Variants in GAD2 observed in about 807,000 individuals in gnomAD.
The protein encoded by GAD2 is glutamate decarboxylase 2, also known as 65 kDa glutamic acid decarboxylase.
Under a neutral mutation model 80.1 loss-of-function variants are expected in GAD2, and 22 were observed. The observed-to-expected ratio is 0.27, with a 90% CI of 0.20 to 0.39. The LOEUF is 0.39. Ranked by LOEUF, GAD2 falls within the 10% of genes least tolerant of loss-of-function variation. GAD2 has a pLI of 1.00. For missense variants in GAD2, 624 were observed against 738.4 expected (o/e 0.85, Z 1.80); for synonymous variants, 274 against 256.9 (o/e 1.07, Z -0.64).
intron 7 of GAD2, among the ~76,000 whole-genome samples, chr10:26,237,998 TCACACAGACACACACACACACACACA>T (rs1844695405): frequency 8.5e-6 from 1 of 117,590 alleles, no homozygotes; most frequent in African/African-American, 3.7e-5. Context: ...CGAGACTCCA[TCACACAGACACACACACACACACACA>T]CACACACACA....
chr10:26,273,868 C>G (rs1167950412), intron 11 of GAD2, among the ~76,000 whole-genome samples, 168 bp downstream of exon 11: 3 of 151,994 alleles, frequency 2.0e-5, no homozygotes, highest in Non-Finnish European at 1.5e-5. Flanking sequence ...GGGTAAACAA[C>G]AGAAAAATCA....
chr10:26,260,078 TTAACA>T (rs1844991386), intron 8 of GAD2, among the ~76,000 whole-genome samples: 1 of 152,228 alleles, frequency 6.6e-6, no homozygotes, highest in South Asian at 2.1e-4. Context: ...AAGTATTTAC[TTAACA>T]TAAAAGACAC....
intron 13 of GAD2, 47 bp downstream of exon 13, chr10:26,286,541 T>C (rs370390999): frequency 9.7e-5 from 150 of 1,544,068 alleles, no homozygotes; most frequent in Non-Finnish European, 1.3e-4. Flanking sequence ...ACAGAACCTT[T>C]ATCTGGTGAC....
intron 15 of GAD2, among the ~76,000 whole-genome samples, chr10:26,297,178 C>T (rs542087681): frequency 2.6e-5 from 4 of 152,150 alleles, no homozygotes; most frequent in Admixed American, 6.5e-5. Flanking sequence ...CGGCTCACCT[C>T]GGCCTCCCAA....
chr10:26,297,529 A>G (rs183266313), intron 15 of GAD2, among the ~76,000 whole-genome samples: 1 of 152,212 alleles, frequency 6.6e-6, no homozygotes, highest in Non-Finnish European at 1.5e-5. Flanking sequence ...GCTCTTGTTG[A>G]CTATACCTTT....
At chr10:26,278,546 T>TGA (rs1273328177) in intron 11 of GAD2, among the ~76,000 whole-genome samples, 1 of 152,190 alleles carries the variant, frequency 6.6e-6, no homozygotes, top group Non-Finnish European at 1.5e-5. Flanking sequence ...ATCTGGCTCC[T>TGA]GAGGGCTTCC....
chr10:26,282,442 A>T (rs1845282104), intron 12 of GAD2, among the ~76,000 whole-genome samples: 1 of 151,750 alleles, frequency 6.6e-6, no homozygotes, highest in Admixed American at 6.6e-5. Flanking sequence ...AATATATTTA[A>T]AAAGTATAAA....
At chr10:26,285,711 G>A (rs1845324333) in intron 12 of GAD2, among the ~76,000 whole-genome samples, 1 of 151,930 alleles carries the variant, frequency 6.6e-6, no homozygotes, top group South Asian at 2.1e-4. Context: ...CTTGAGAGAG[G>A]AATATGACAT....
At position 26,217,826 on chromosome 10, in the gene GAD2, C is replaced by G; in HGVS notation, c.137-16C>G. On this transcript the variant is annotated splice_polypyrimidine_tract_variant and intron_variant, in intron 2 of 15. Transcript: ENST00000376261. This position sits in a 1 kb window ranked among gnomAD's most constrained non-coding sequence, Gnocchi z 4.9. The stretch of plus-strand genomic sequence containing the variant: ...GCGGAGGATTGACGAGGCCCGCGTT[C>G]GGTGTCCTTACCCAGCCCTGCTCTA... 4 of 1,594,272 alleles carry G rather than the reference C, an allele frequency of 2.5e-6. No homozygotes were observed. Among genetic ancestry groups the G allele is most frequent in the South Asian group, 2.2e-5 (2 of 89,360 alleles).
chr10:26,249,411 A>C lies in GAD2; in HGVS notation c.920+3411A>C, dbSNP rs116369064. 4.1e-3 allele frequency among the ~76,000 whole-genome samples: 617 copies of C among 152,274 alleles called. 2 individuals are homozygous for C. Among genetic ancestry groups the C allele is most frequent in the African/African-American group, 0.014 (599 of 41,564 alleles). ...AACTGAGATTTGAAGAGAAAACTGG[A>C]GTTTAAAAATGTGAAGAATAAATGT... On this transcript the variant is annotated intron_variant, in intron 8 of 15. Coordinates refer to ENST00000376261, the MANE Select transcript of GAD2 (RefSeq NM_001134366.2).
chr10:26,242,311 C>T (rs1236445509), intron 7 of GAD2, among the ~76,000 whole-genome samples: 1 of 152,160 alleles, frequency 6.6e-6, no homozygotes, highest in East Asian at 1.9e-4. Flanking sequence ...ATATTTGTTT[C>T]CAGAGAACCC....
chr10:26,296,588 C>T (rs1007761526), intron 15 of GAD2, among the ~76,000 whole-genome samples: 1 of 152,190 alleles, frequency 6.6e-6, no homozygotes, highest in Non-Finnish European at 1.5e-5. Flanking sequence ...GAGGATGTGA[C>T]GCCACACACA....
intron 9 of GAD2, 22 bp from the exon 10 acceptor site, chr10:26,270,618 T>G (rs745764883): frequency 6.5e-7 from 1 of 1,528,562 alleles, no homozygotes; most frequent in South Asian, 1.1e-5. Context: ...TTCCATGATT[T>G]GGGGCTTTCT....
intron 7 of GAD2, among the ~76,000 whole-genome samples, chr10:26,241,294 A>C (rs983042120): frequency 6.6e-6 from 1 of 152,206 alleles, no homozygotes; most frequent in Admixed American, 6.5e-5. Context: ...ACTGATCATT[A>C]CAAGAGTCTT....
intron 11 of GAD2, among the ~76,000 whole-genome samples, chr10:26,280,555 C>G (rs909230343): frequency 2.0e-5 from 3 of 152,082 alleles, no homozygotes; most frequent in Non-Finnish European, 4.4e-5. Context: ...ATGCATTTAT[C>G]TCAGTGAGCA....
At position 26,219,134 on chromosome 10, in the gene GAD2, C is replaced by T. The variant is rs1387953693; in HGVS notation, c.378C>T (p.Phe126=). ...TACTTCAGTATGTGGTGAAAAGTTT[C>T]GATAGATCAACCAAAGTGATTGATT... ...NILLQYVVKS[F]DRSTKVIDFH... Residue 126 remains phenylalanine (F), a synonymous_variant, in exon 4 of 16, where the codon TTC becomes TTT. Transcript: ENST00000376261. 2 of 1,613,712 alleles carry T rather than the reference C, an allele frequency of 1.2e-6. No individual in the cohort carries two copies. Among genetic ancestry groups the T allele is most frequent in the Middle Eastern group, 1.6e-4 (1 of 6,062 alleles).
chr10:26,292,370 A>T, intron 13 of GAD2, 95 bp from the exon 14 acceptor site: 1 of 900,020 alleles, frequency 1.1e-6, no homozygotes, highest in Non-Finnish European at 1.8e-6. Context: ...AGACGGGGCT[A>T]AGACAGAGAC....
At chr10:26,246,089 C>A (rs796833082) in intron 8 of GAD2, 89 bp downstream of exon 8, 1 of 1,023,758 alleles carries the variant, frequency 9.8e-7, no homozygotes, top group Non-Finnish European at 1.5e-6. Flanking sequence ...GAGAGGACCA[C>A]GGGGCAGCAA....
Position 26,280,998 on chromosome 10 carries a change from C to T in GAD2, c.1158-11C>T. 1 of 1,612,252 alleles carries T rather than the reference C, an allele frequency of 6.2e-7. No homozygotes were observed. Among genetic ancestry groups the T allele is most frequent in the Non-Finnish European group, 8.5e-7 (1 of 1,178,446 alleles). ...GGAGTGCCACCCGCTTATGTGATTT[C>T]TTTATTTTAGGGCCAACTCTGTGAC... On this transcript the variant is annotated splice_polypyrimidine_tract_variant and intron_variant, in intron 11 of 15. Transcript: ENST00000376261.
Sources: allele counts gnomAD v4.1 joint callset (sites outside exome capture counted in the v4.1 genomes callset), GRCh38; gene constraint gnomAD v4.1.1; non-coding constraint Gnocchi (gnomAD v3.1); transcripts MANE v1.5; gene names NCBI Gene and HGNC (gene_info 2026-07-23, HGNC 2026-07-21).